The following PTGES3 variants were observed in gnomAD, a reference collection of about 807,000 sequenced individuals.
PTGES3 encodes Hsp90 co-chaperone.
A neutral mutation model predicts 29.9 loss-of-function variants in PTGES3; 5 were observed. The ratio of observed to expected loss-of-function variants is 0.17; its 90% CI spans 0.09 to 0.35. PTGES3 has a LOEUF of 0.35. Among genes scored for constraint, PTGES3 ranks in the 10% least tolerant of loss-of-function variants. The pLI, the probability that PTGES3 is intolerant of heterozygous loss-of-function variation, is 1.00. For missense variants in PTGES3, 128 were observed against 190.0 expected, an observed-to-expected ratio of 0.67 and a Z score of 1.92; for synonymous variants, 49 against 57.8, an observed-to-expected ratio of 0.85 and a Z score of 0.69.
chr12:56,664,799 TCC>T lies in PTGES3; in HGVS notation c.439-1_439del. 6.3e-7 allele frequency: 1 copy of T among 1,598,328 alleles called. No homozygotes were observed. The highest frequency in any genetic ancestry group is 8.6e-7 in the Non-Finnish European group (1 of 1,168,750). ...ACTTTCATCATCACTGTCTTGTGAA[TCC>T]TGAAAGAGGGAAAATAAAGTTACCG... is the stretch of plus-strand genomic sequence containing the variant. On this transcript the variant is annotated splice_acceptor_variant and coding_sequence_variant, in exon 7 of 8. Coordinates refer to ENST00000262033, the MANE Select transcript of PTGES3 (RefSeq NM_006601.7). LOFTEE classifies it high-confidence loss of function.
intron 4 of PTGES3, 94 bp from the exon 5 acceptor site, chr12:56,670,458 G>C (rs1951959932): frequency 1.1e-6 from 1 of 892,690 alleles, no homozygotes; most frequent in African/African-American, 1.7e-5. Context: ...AAAGAGACCA[G>C]GTCTTGCTAT....
At chr12:56,680,386 CTT>C (rs1171435554) in intron 1 of PTGES3, among the ~76,000 whole-genome samples, 7 of 143,452 alleles carry the variant, frequency 4.9e-5, no homozygotes, top group Admixed American at 2.1e-4. Flanking sequence ...AATTTTCTTT[CTT>C]TTTTTTTTTT....
At chr12:56,680,934 C>T (rs1484793759) in intron 1 of PTGES3, among the ~76,000 whole-genome samples, 1 of 151,850 alleles carries the variant, frequency 6.6e-6, no homozygotes, top group Non-Finnish European at 1.5e-5. Flanking sequence ...CATGCTACCA[C>T]ACACCCAGGT....
At chr12:56,684,632 T>G (rs1952738216) in intron 1 of PTGES3, among the ~76,000 whole-genome samples, 1 of 152,106 alleles carries the variant, frequency 6.6e-6, no homozygotes, top group African/African-American at 2.4e-5. Context: ...TTCCAACATC[T>G]CTAAAATAAA....
At chr12:56,683,969 A>AC (rs1358618685) in intron 1 of PTGES3, among the ~76,000 whole-genome samples, 2 of 145,800 alleles carry the variant, frequency 1.4e-5, no homozygotes, top group African/African-American at 2.5e-5. Context: ...AAAAAAAAAA[A>AC]AACAAAAAAA....
At position 56,688,205 on chromosome 12, in the gene PTGES3, C is replaced by A. The variant is rs193025334; in HGVS notation, c.-206G>T. 5,662 of 910,072 alleles carry A rather than the reference C, an allele frequency of 6.2e-3. 31 individuals are homozygous for A. Among genetic ancestry groups the A allele is most frequent in the African/African-American group, 0.011 (600 of 56,788 alleles). The allele number at this position is 910,072 out of a possible 1,614,324, so 56.4% of individuals were successfully genotyped here. A position where few individuals can be genotyped will look rare whatever the true frequency, so the allele number is the denominator to read the frequency against. On this transcript the variant is annotated 5_prime_UTR_variant, in exon 1 of 8. Coordinates refer to ENST00000262033, the MANE Select transcript of PTGES3 (RefSeq NM_006601.7). ...GCGCGGAAAGAGCGGCTCCTCCGGTCGGGGAGAAGAGGAAAGTGTAGGAAA... is the reference window on the plus strand; with the variant it reads ...GCGCGGAAAGAGCGGCTCCTCCGGTAGGGGAGAAGAGGAAAGTGTAGGAAA...
intron 6 of PTGES3, 176 bp downstream of exon 6, chr12:56,666,028 C>CTAA: frequency 2.2e-6 from 3 of 1,378,300 alleles, no homozygotes; most frequent in South Asian, 1.7e-5. Context: ...AACCAGTTCC[C>CTAA]TAATAGATAC....
At chr12:56,669,007 A>T (rs1009903926) in intron 5 of PTGES3, among the ~76,000 whole-genome samples, 22 of 97,076 alleles carry the variant, frequency 2.3e-4, no homozygotes, top group South Asian at 1.1e-3. Flanking sequence ...TTCACCATGA[A>T]TTTTTTTTTT....
chr12:56,672,240 A>G (rs2137624416), intron 3 of PTGES3, among the ~76,000 whole-genome samples: 1 of 152,354 alleles, frequency 6.6e-6, no homozygotes, highest in Admixed American at 6.5e-5. Flanking sequence ...GCAGTGGCTC[A>G]TGCCTGTAAT....
Position 56,663,872 on chromosome 12 carries a change from T to C in PTGES3, c.*607A>G, listed in dbSNP as rs11550105. 6.5e-6 allele frequency: 1 copy of C among 152,846 alleles called. No individual in the cohort carries two copies. The highest frequency in any genetic ancestry group is 2.4e-5 in the African/African-American group (1 of 41,476). The allele number at this position is 152,846 out of a possible 1,614,324, so 9.5% of individuals were successfully genotyped here. A position where few individuals can be genotyped will look rare whatever the true frequency, so the allele number is the denominator to read the frequency against. ...AGCTTAAGGGTCAAACAATACCAATTGTATAGGCTTCAAAAACCATCTAAG... is the reference window on the plus strand; with the variant it reads ...AGCTTAAGGGTCAAACAATACCAATCGTATAGGCTTCAAAAACCATCTAAG... On this transcript the variant is annotated 3_prime_UTR_variant, in exon 8 of 8. Transcript: ENST00000262033.
Position 56,681,850 on chromosome 12 carries a change from C to CCT in PTGES3, c.2+6147_2+6148insAG, listed in dbSNP as rs779184384. Among the ~76,000 whole-genome samples, 19 of 151,578 alleles carry CCT rather than the reference C, an allele frequency of 1.3e-4. 1 individual carries two copies. Among genetic ancestry groups the CCT allele is most frequent in the Non-Finnish European group, 2.5e-4 (17 of 67,832 alleles). On this transcript the variant is annotated intron_variant, in intron 1 of 7. Transcript: ENST00000262033. ...CCAGCCTGGGCGACAGAGCAAGACTCCATCTCAAAAAAAAAGAGTCTCACT... is the reference window on the plus strand; with the variant it reads ...CCAGCCTGGGCGACAGAGCAAGACTCCTCATCTCAAAAAAAAAGAGTCTCACT...
intron 1 of PTGES3, among the ~76,000 whole-genome samples, chr12:56,684,011 C>CCGATCCACACAGTAAATAGTAAAAAGTT (rs1338229776): frequency 7.9e-5 from 12 of 151,042 alleles, no homozygotes; most frequent in African/African-American, 2.9e-4. Flanking sequence ...ACTGTAATTG[C>CCGATCCACACAGTAAATAGTAAAAAGTT]CGATCCACAC....
At chr12:56,682,132 C>A (rs1952570396) in intron 1 of PTGES3, among the ~76,000 whole-genome samples, 1 of 152,086 alleles carries the variant, frequency 6.6e-6, no homozygotes, top group Non-Finnish European at 1.5e-5. Context: ...CATGTGTGAG[C>A]CACCGTGCCC....
intron 1 of PTGES3, among the ~76,000 whole-genome samples, chr12:56,682,584 G>C (rs760024588): frequency 2.0e-5 from 3 of 151,870 alleles, no homozygotes; most frequent in South Asian, 2.1e-4. Flanking sequence ...CCGGAAAACC[G>C]CAAGTTCAAA....
intron 1 of PTGES3, among the ~76,000 whole-genome samples, chr12:56,676,232 C>CGCAAA (rs372309759): frequency 3.1e-5 from 4 of 129,982 alleles, no homozygotes; most frequent in African/African-American, 1.2e-4. Flanking sequence ...TCTCCCCCCC[C>CGCAAA]AAAAAAAAAA....
chr12:56,678,419 C>G (rs1952369195), intron 1 of PTGES3, among the ~76,000 whole-genome samples: 1 of 152,106 alleles, frequency 6.6e-6, no homozygotes. Context: ...TCAGGTGAGC[C>G]ACCCGCCTCA....
intron 5 of PTGES3, among the ~76,000 whole-genome samples, chr12:56,667,095 T>C (rs1303478814): frequency 6.6e-6 from 1 of 150,888 alleles, no homozygotes; most frequent in East Asian, 2.0e-4. Context: ...AGTTTTTGTA[T>C]CTTTGGTAGA....
At chr12:56,671,994 C>T in intron 3 of PTGES3, 147 bp from the exon 4 acceptor site, 1 of 474,230 alleles carries the variant, frequency 2.1e-6, no homozygotes, top group South Asian at 7.5e-5. Flanking sequence ...AAACTTCAAA[C>T]TATCCAACTG....
chr12:56,687,296 T>C, intron 1 of PTGES3: 1 of 991,960 alleles, frequency 1.0e-6, no homozygotes, highest in Non-Finnish European at 1.2e-6. Context: ...CTTTCCAAAG[T>C]CGACACGTGC....
Sources: allele counts gnomAD v4.1 joint callset (sites outside exome capture counted in the v4.1 genomes callset), GRCh38; gene constraint gnomAD v4.1.1; transcripts MANE v1.5; gene names NCBI Gene and HGNC (gene_info 2026-07-23, HGNC 2026-07-21).